The following MROH2B variants were observed in gnomAD, a reference collection of about 807,000 sequenced individuals.
The protein encoded by MROH2B is maestro heat like repeat family member 2B.
In MROH2B, 177 loss-of-function variants were observed where a neutral mutation model predicts 208.6. That is an observed-to-expected ratio of 0.85 (90% confidence interval 0.75 to 0.96). MROH2B has a LOEUF of 0.96. Among genes scored for constraint, MROH2B ranks in the 40% least tolerant of loss-of-function variants. The pLI is 0.00. For missense variants in MROH2B, 2,002 were observed against 1,878.7 expected (o/e 1.07, Z -1.21); for synonymous variants, 728 against 659.0 (o/e 1.10, Z -1.60).
At chr5:41,006,156 C>T (rs1741584865) in intron 34 of MROH2B, among the ~76,000 whole-genome samples, 1 of 151,892 alleles carries the variant, frequency 6.6e-6, no homozygotes, top group African/African-American at 2.4e-5. Context: ...TAAACAATCC[C>T]ATCAAAAAGC....
At chr5:41,064,165 G>A (rs1262309678) in intron 5 of MROH2B, among the ~76,000 whole-genome samples, 1 of 151,896 alleles carries the variant, frequency 6.6e-6, no homozygotes, top group Non-Finnish European at 1.5e-5. Context: ...ACAGACCTGG[G>A]TTTGAATCCC....
chr5:41,066,895 T>C (rs573644945), intron 3 of MROH2B, among the ~76,000 whole-genome samples: 6 of 152,344 alleles, frequency 3.9e-5, no homozygotes, highest in African/African-American at 1.4e-4. Context: ...GGAGGTTGGA[T>C]AAAATCACCT....
chr5:41,018,241 G>T, intron 27 of MROH2B, 100 bp downstream of exon 27: 1 of 1,211,356 alleles, frequency 8.3e-7, no homozygotes, highest in Non-Finnish European at 1.2e-6. Flanking sequence ...TTCACTCTGA[G>T]ATGCACGATC....
chr5:41,032,616 C>T (rs912661715), intron 24 of MROH2B, 126 bp downstream of exon 24: 11 of 747,318 alleles, frequency 1.5e-5, no homozygotes, highest in Non-Finnish European at 2.4e-5. Context: ...GTTTGAAGCT[C>T]CCATTAATGA....
Position 41,023,501 on chromosome 5 carries a change from A to G in MROH2B, c.2442-4483T>C, listed in dbSNP as rs145687815. On this transcript the variant is annotated intron_variant, in intron 24 of 41. Coordinates refer to ENST00000399564, the MANE Select transcript of MROH2B (RefSeq NM_173489.5). ...AAGAAAAGTTTAGAGAAAAAAGAGT[A>G]AAAAGAAATGAACAAAGCCTCCAAG... 4.2e-3 allele frequency among the ~76,000 whole-genome samples: 641 copies of G among 152,328 alleles called. 4 individuals are homozygous for G. Among genetic ancestry groups the G allele is most frequent in the African/African-American group, 0.015 (604 of 41,574 alleles).
Position 41,049,385 on chromosome 5 carries a change from C to T in MROH2B, c.1396G>A (p.Ala466Thr), listed in dbSNP as rs376355835. 6.2e-7 allele frequency: 1 copy of T among 1,613,668 alleles called. No homozygotes were observed. The highest frequency in any genetic ancestry group is 1.3e-5 in the African/African-American group (1 of 74,904). ...TFVVPAEYTE[A>T]LEPLFSIIRI... ...ATGATACTAAACAGGGGCTCCAGAG[C>T]TTCTGTGTATTCTGCAGGTACCACA... The change falls in exon 14 of 42, where the codon GCT (alanine) becomes ACT (threonine). Residue 466 changes from alanine (A) to threonine (T), a missense_variant. Transcript: ENST00000399564.
intron 35 of MROH2B, 49 bp from the exon 36 acceptor site, chr5:41,004,969 C>T (rs1025091632): frequency 1.3e-6 from 2 of 1,588,782 alleles, no homozygotes; most frequent in Non-Finnish European, 1.7e-6. Flanking sequence ...CGTGGCCCCT[C>T]CTTCAGGAGA....
chr5:41,057,563 C>CTTTTTTTTTTTTTTTTTTTTTTTTTTTTT lies in MROH2B; in HGVS notation c.757-204_757-203insAAAAAAAAAAAAAAAAAAAAAAAAAAAAA. Among the ~76,000 whole-genome samples the CTTTTTTTTTTTTTTTTTTTTTTTTTTTTT allele has an allele frequency of 4.1e-3, 298 of 73,218 alleles. 91 individuals carry two copies. Among genetic ancestry groups the CTTTTTTTTTTTTTTTTTTTTTTTTTTTTT allele is most frequent in the East Asian group, 0.016 (28 of 1,698 alleles). 48.0% of individuals were successfully genotyped at this position (73,218 alleles called of 152,430 possible). A position where few individuals can be genotyped will look rare whatever the true frequency, so the allele number is the denominator to read the frequency against. ...ATGAATGAATGAACGAATATCCCTC[C>CTTTTTTTTTTTTTTTTTTTTTTTTTTTTT]TTTTTTTTTTTGAGACGGAGTCTTG... On this transcript the variant is annotated intron_variant, in intron 7 of 41. Transcript: ENST00000399564.
chr5:40,998,609 C>G lies in MROH2B; in HGVS notation c.4651+3G>C. On this transcript the variant is annotated splice_donor_region_variant and intron_variant, in intron 41 of 41. Coordinates refer to ENST00000399564, the MANE Select transcript of MROH2B (RefSeq NM_173489.5). ...GCTGGGAAGAAACTAGGTTGGTACTCACGTGTGGTCAGTTGTTCTCTGTCT... is the reference window on the plus strand; with the variant it reads ...GCTGGGAAGAAACTAGGTTGGTACTGACGTGTGGTCAGTTGTTCTCTGTCT... 6.3e-7 allele frequency: 1 copy of G among 1,592,608 alleles called. No homozygotes were observed. Among genetic ancestry groups the G allele is most frequent in the Non-Finnish European group, 8.6e-7 (1 of 1,168,088 alleles).
chr5:41,012,878 GA>G (rs1399315866), intron 29 of MROH2B, 143 bp from the exon 30 acceptor site: 3 of 992,356 alleles, frequency 3.0e-6, no homozygotes, highest in Middle Eastern at 2.8e-4. Context: ...AGAAACTAGA[GA>G]AAATACTAGA....
chr5:41,011,018 C>T (rs1264803204), intron 30 of MROH2B, among the ~76,000 whole-genome samples: 1 of 151,954 alleles, frequency 6.6e-6, no homozygotes, highest in African/African-American at 2.4e-5. Flanking sequence ...GGTTGGAGTG[C>T]AGAGAGAATG....
chr5:41,022,407 G>A (rs1273680682), intron 24 of MROH2B, among the ~76,000 whole-genome samples: 1 of 151,810 alleles, frequency 6.6e-6, no homozygotes, highest in African/African-American at 2.4e-5. Flanking sequence ...ATTATATCCC[G>A]CGCCTGGCTT....
At chr5:41,066,712 T>C (rs1030523127) in intron 3 of MROH2B, among the ~76,000 whole-genome samples, 1 of 152,162 alleles carries the variant, frequency 6.6e-6, no homozygotes, top group Non-Finnish European at 1.5e-5. Flanking sequence ...TTCTACAAAT[T>C]ATTATTTTTT....
chr5:41,009,519 G>T (rs763171080), intron 31 of MROH2B, 113 bp from the exon 32 acceptor site: 7 of 1,326,244 alleles, frequency 5.3e-6, no homozygotes, highest in Non-Finnish European at 7.2e-6. Context: ...TTCAAGGGCA[G>T]ATGGACATGC....
Position 41,010,866 on chromosome 5 carries a change from G to T in MROH2B, c.3136-787C>A, listed in dbSNP as rs147444668. On this transcript the variant is annotated intron_variant, in intron 30 of 41. Coordinates refer to ENST00000399564, the MANE Select transcript of MROH2B (RefSeq NM_173489.5). Reference sequence around the variant, plus strand: ...GATATTGACAGTCGGGAGGCTGTGCGTATGTGAGGGGAGCGGGTAGATGGG... The same window carrying T: ...GATATTGACAGTCGGGAGGCTGTGCTTATGTGAGGGGAGCGGGTAGATGGG... Among the ~76,000 whole-genome samples the T allele has an allele frequency of 9.1e-3, 1,385 of 152,296 alleles. 17 individuals are homozygous for T. The highest frequency in any genetic ancestry group is 0.011 in the Non-Finnish European group (735 of 68,032).
Position 40,998,111 on chromosome 5 carries a change from C to G in MROH2B, c.4699G>C (p.Ala1567Pro), listed in dbSNP as rs1270388879. ...AGGAGGGTTTGCAAAGCAGCCTCAG[C>G]TGCTCTCTGGACACTAATACACGGA... Reference protein sequence around the residue: ...QDPCISVQRAAEAALQTLLRR... With the variant: ...QDPCISVQRAPEAALQTLLRR... Residue 1567 changes from alanine (A) to proline (P), a missense_variant, in exon 42 of 42, where the codon GCT becomes CCT. Transcript: ENST00000399564. 8 of 1,612,498 alleles carry G rather than the reference C, an allele frequency of 5.0e-6. No individual in the cohort carries two copies. The highest frequency in any genetic ancestry group is 6.8e-6 in the Non-Finnish European group (8 of 1,178,784).
intron 11 of MROH2B, among the ~76,000 whole-genome samples, chr5:41,053,319 G>C (rs1181758301): frequency 2.0e-5 from 3 of 152,050 alleles, no homozygotes; most frequent in Admixed American, 6.6e-5. Context: ...TAATTTTCTT[G>C]CAGAAATATT....
At chr5:41,069,237 G>A (rs1291196029) in intron 2 of MROH2B, among the ~76,000 whole-genome samples, 2 of 152,106 alleles carry the variant, frequency 1.3e-5, no homozygotes, top group African/African-American at 4.8e-5. Context: ...ATAAGTGTTC[G>A]ATGAAGGGCA....
At chr5:41,011,788 C>T (rs1258727670) in intron 30 of MROH2B, among the ~76,000 whole-genome samples, 1 of 152,028 alleles carries the variant, frequency 6.6e-6, no homozygotes, top group Non-Finnish European at 1.5e-5. Flanking sequence ...CTGCCTCAGC[C>T]TCCCAAGTAG....
Sources: gnomAD v4.1 joint callset for allele counts (sites outside exome capture counted in the v4.1 genomes callset) on GRCh38, gnomAD v4.1.1 for gene constraint, MANE v1.5 for transcripts, NCBI Gene and HGNC (gene_info 2026-07-23, HGNC 2026-07-21) for gene names.